Variants in LEPROT observed in about 807,000 individuals in gnomAD.
LEPROT encodes the protein leptin receptor gene-related protein.
LEPROT carries 3 observed loss-of-function variants against 15.4 expected under a neutral mutation model. The observed-to-expected ratio is 0.19, with a 90% CI of 0.09 to 0.50. The LOEUF (loss-of-function observed/expected upper bound fraction) is 0.50. Among genes scored for constraint, LEPROT ranks in the 20% least tolerant of loss-of-function variants. The probability of loss-of-function intolerance (pLI) is 0.97; values close to 1 mark genes in which losing one functional copy is unlikely to be tolerated. For synonymous variants in LEPROT, 59 were observed against 57.5 expected, an observed-to-expected ratio of 1.03 and a Z score of -0.12; for missense variants, 137 against 162.2, an observed-to-expected ratio of 0.84 and a Z score of 0.84.
At chr1:65,425,433 A>G in intron 2 of LEPROT, 55 bp downstream of exon 2, 1 of 1,481,968 alleles carries the variant, frequency 6.7e-7, no homozygotes, top group South Asian at 1.2e-5. Flanking sequence ...TGTCACTATT[A>G]GTATGGGTGT....
In LEPROT at chr1:65,434,898, A is replaced by G; in HGVS notation, c.*2979A>G. ...TCATGTGGTGCTGAGAAGAAAGCAGATCACACTTCATCACAGAAAGAATGC... is the reference window on the plus strand; with the variant it reads ...TCATGTGGTGCTGAGAAGAAAGCAGGTCACACTTCATCACAGAAAGAATGC... On this transcript the variant is annotated 3_prime_UTR_variant, in exon 4 of 4. Transcript: ENST00000371065. The G allele has an allele frequency of 1.0e-6, 1 of 985,444 alleles. No homozygotes were observed. The allele number at this position is 985,444 out of a possible 1,614,324, so 61.0% of individuals were successfully genotyped here. A position where few individuals can be genotyped will look rare whatever the true frequency, so the allele number is the denominator to read the frequency against.
chr1:65,434,165 A>G lies in LEPROT; in HGVS notation c.*2246A>G. On this transcript the variant is annotated 3_prime_UTR_variant, in exon 4 of 4. Coordinates refer to ENST00000371065, the MANE Select transcript of LEPROT (RefSeq NM_017526.5). Reference sequence around the variant, plus strand: ...AGTATTTGAAGTGATAGATTATTAGATTTGCTCTATGTCTGAAAAGAGAGC... The same window carrying G: ...AGTATTTGAAGTGATAGATTATTAGGTTTGCTCTATGTCTGAAAAGAGAGC... The G allele has an allele frequency of 1.0e-6, 1 of 984,256 alleles. No homozygotes were observed. The highest frequency in any genetic ancestry group is 1.2e-6 in the Non-Finnish European group (1 of 828,878). 61.0% of individuals were successfully genotyped at this position (984,256 alleles called of 1,614,324 possible).
chr1:65,433,647 A>G lies in LEPROT; in HGVS notation c.*1728A>G, dbSNP rs1646518739. 2 of 985,326 alleles carry G rather than the reference A, an allele frequency of 2.0e-6. No homozygotes were observed. The highest frequency in any genetic ancestry group is 4.7e-5 in the South Asian group (1 of 21,292). The allele number at this position is 985,326 out of a possible 1,614,324, so 61.0% of individuals were successfully genotyped here. A position where few individuals can be genotyped will look rare whatever the true frequency, so the allele number is the denominator to read the frequency against. ...ATTTTTTGGCCTTGTTCATGATTTT[A>G]TGTTTTCAGTGTCCTGTGTACATAT... On this transcript the variant is annotated 3_prime_UTR_variant, in exon 4 of 4. Coordinates refer to ENST00000371065, the MANE Select transcript of LEPROT (RefSeq NM_017526.5).
chr1:65,430,382 G>C (rs1208634482), intron 3 of LEPROT: 3 of 177,752 alleles, frequency 1.7e-5, no homozygotes, highest in Non-Finnish European at 3.5e-5. Flanking sequence ...CTAGTTGCAA[G>C]ATGAAGATAT....
At chr1:65,421,330 A>C (rs12145690) in intron 1 of LEPROT, 731,243 of 1,532,774 alleles carry the variant, frequency 0.48, 178,993 homozygotes, top group East Asian at 0.86. Flanking sequence ...ATGGACAGAG[A>C]AGAAACCAGT....
At chr1:65,421,563 G>A (rs1391814167) in intron 1 of LEPROT, 4 of 1,300,702 alleles carry the variant, frequency 3.1e-6, no homozygotes, top group Non-Finnish European at 4.3e-6. Context: ...GATATCCCCA[G>A]TTAACATCTG....
chr1:65,427,630 C>T (rs1646405519), intron 2 of LEPROT, among the ~76,000 whole-genome samples: 1 of 152,160 alleles, frequency 6.6e-6, no homozygotes, highest in African/African-American at 2.4e-5. Flanking sequence ...ACGCCCTTGA[C>T]CAAACGTTTT....
rs36067009 is a variant in LEPROT at position 65,432,566 on chromosome 1, TAAA to T, written c.*660_*662del. 0.024 allele frequency: 21,265 copies of T among 868,184 alleles called. 6 individuals carry two copies. The highest frequency in any genetic ancestry group is 0.028 in the Non-Finnish European group (20,161 of 727,436). The allele number at this position is 868,184 out of a possible 1,614,324, so 53.8% of individuals were successfully genotyped here. On this transcript the variant is annotated 3_prime_UTR_variant, in exon 4 of 4. Transcript: ENST00000371065. The stretch of plus-strand genomic sequence containing the variant: ...TCTGGGTGTTACCTGCTCATTTGTT[TAAA>T]AAAAAAAAAAAAGTCTCACCTGCTT...
chr1:65,433,410 CTTTT>C lies in LEPROT; in HGVS notation c.*1493_*1496del. The C allele has an allele frequency of 2.0e-6, 2 of 985,384 alleles. No homozygotes were observed. Among genetic ancestry groups the C allele is most frequent in the Non-Finnish European group, 2.4e-6 (2 of 829,924 alleles). The allele number at this position is 985,384 out of a possible 1,614,324, so 61.0% of individuals were successfully genotyped here. ...TGTAATCACAGTTTTCCCTGCTCAC[CTTTT>C]TGTCTAAGATCTATTGAGAAAGGGA... On this transcript the variant is annotated 3_prime_UTR_variant, in exon 4 of 4. Coordinates refer to ENST00000371065, the MANE Select transcript of LEPROT (RefSeq NM_017526.5).
At chr1:65,425,727 G>A (rs973051695) in intron 2 of LEPROT, among the ~76,000 whole-genome samples, 2 of 152,230 alleles carry the variant, frequency 1.3e-5, no homozygotes, top group Non-Finnish European at 2.9e-5. Context: ...GGAGATGCCA[G>A]CACAGTACGC....
At chr1:65,426,394 AT>A (rs1161312460) in intron 2 of LEPROT, among the ~76,000 whole-genome samples, 1 of 151,972 alleles carries the variant, frequency 6.6e-6, no homozygotes, top group Non-Finnish European at 1.5e-5. Flanking sequence ...CATTTTATAC[AT>A]CAGACAATAG....
At position 65,433,261 on chromosome 1, in the gene LEPROT, C is replaced by A; in HGVS notation, c.*1342C>A. ...GAGATATAGGAGCCATGTAAGCACG[C>A]AGTGGGTGAACTGCTTAATTTCACT... On this transcript the variant is annotated 3_prime_UTR_variant, in exon 4 of 4. Transcript: ENST00000371065. The A allele has an allele frequency of 1.4e-5, 14 of 985,424 alleles. No homozygotes were observed. The highest frequency in any genetic ancestry group is 1.7e-5 in the Non-Finnish European group (14 of 829,938). 61.0% of individuals were successfully genotyped at this position (985,424 alleles called of 1,614,324 possible). A position where few individuals can be genotyped will look rare whatever the true frequency, so the allele number is the denominator to read the frequency against.
At chr1:65,430,105 T>G in intron 3 of LEPROT, 57 bp downstream of exon 3, 1 of 1,411,702 alleles carries the variant, frequency 7.1e-7, no homozygotes, top group South Asian at 1.6e-5. Flanking sequence ...TTCAGAGGCC[T>G]GTGTCTGGGA....
Position 65,431,791 on chromosome 1 carries a change from C to T in LEPROT, c.280-12C>T. 3 of 1,608,682 alleles carry T rather than the reference C, an allele frequency of 1.9e-6. No homozygotes were observed. The highest frequency in any genetic ancestry group is 2.5e-6 in the Non-Finnish European group (3 of 1,178,380). On this transcript the variant is annotated splice_polypyrimidine_tract_variant and intron_variant, in intron 3 of 3. Coordinates refer to ENST00000371065, the MANE Select transcript of LEPROT (RefSeq NM_017526.5). ...GAAGTAAGGATTTAATCCTTCTTTT[C>T]TTGTCTTTCAGATCAAATGGGGAGC...
chr1:65,434,510 G>C lies in LEPROT; in HGVS notation c.*2591G>C. Reference sequence around the variant, plus strand: ...TCCACAGAAACAATACTATGAATTGGTGATTGAGTTCCCAGGCCAAGCCTC... The same window carrying C: ...TCCACAGAAACAATACTATGAATTGCTGATTGAGTTCCCAGGCCAAGCCTC... On this transcript the variant is annotated 3_prime_UTR_variant, in exon 4 of 4. Coordinates refer to ENST00000371065, the MANE Select transcript of LEPROT (RefSeq NM_017526.5). The C allele has an allele frequency of 4.1e-6, 4 of 985,044 alleles. No individual in the cohort carries two copies. The highest frequency in any genetic ancestry group is 4.8e-6 in the Non-Finnish European group (4 of 829,648). 61.0% of individuals were successfully genotyped at this position (985,044 alleles called of 1,614,324 possible).
In LEPROT at chr1:65,432,242, A is replaced by T; in HGVS notation, c.*323A>T. On this transcript the variant is annotated 3_prime_UTR_variant, in exon 4 of 4. Coordinates refer to ENST00000371065, the MANE Select transcript of LEPROT (RefSeq NM_017526.5). ...GTGCATCGAAACCTTTTGCTTGGGG[A>T]TGTGCTTGGAGAGGCAGATAACGCT... 2.0e-6 allele frequency: 2 copies of T among 1,012,748 alleles called. No homozygotes were observed. The highest frequency in any genetic ancestry group is 2.4e-6 in the Non-Finnish European group (2 of 847,380). 62.7% of individuals were successfully genotyped at this position (1,012,748 alleles called of 1,614,324 possible). A position where few individuals can be genotyped will look rare whatever the true frequency, so the allele number is the denominator to read the frequency against.
In LEPROT at chr1:65,432,882, A is replaced by G. The variant is rs1646505955; in HGVS notation, c.*963A>G. 7 of 859,878 alleles carry G rather than the reference A, an allele frequency of 8.1e-6. No individual in the cohort carries two copies. Among genetic ancestry groups the G allele is most frequent in the Non-Finnish European group, 9.8e-6 (7 of 715,350 alleles). The allele number at this position is 859,878 out of a possible 1,614,324, so 53.3% of individuals were successfully genotyped here. A position where few individuals can be genotyped will look rare whatever the true frequency, so the allele number is the denominator to read the frequency against. On this transcript the variant is annotated 3_prime_UTR_variant, in exon 4 of 4. Coordinates refer to ENST00000371065, the MANE Select transcript of LEPROT (RefSeq NM_017526.5). The stretch of plus-strand genomic sequence containing the variant: ...GTGTAATCATTCCACCTTATATTCA[A>G]AAATCATAAAACCGTATTGTACCCT...
intron 1 of LEPROT, among the ~76,000 whole-genome samples, chr1:65,421,069 C>G (rs1441093023): frequency 6.6e-6 from 1 of 152,234 alleles, no homozygotes; most frequent in African/African-American, 2.4e-5. Context: ...CTTCTTGACG[C>G]CACCCTAACG....
At chr1:65,429,751 T>G in intron 2 of LEPROT, 111 bp from the exon 3 acceptor site, 1 of 941,390 alleles carries the variant, frequency 1.1e-6, no homozygotes, top group Admixed American at 2.8e-5. Flanking sequence ...ATTAATTAAT[T>G]TTTTGACCTA....
Sources: gnomAD v4.1 joint callset for allele counts (sites outside exome capture counted in the v4.1 genomes callset) on GRCh38, gnomAD v4.1.1 for gene constraint, MANE v1.5 for transcripts, NCBI Gene and HGNC (gene_info 2026-07-23, HGNC 2026-07-21) for gene names.